Variants in PCM1 observed in about 807,000 individuals in gnomAD.
The protein encoded by PCM1 is pericentriolar material 1.
PCM1 carries 157 observed loss-of-function variants against 241.9 expected under a neutral mutation model. The observed-to-expected ratio is 0.65, with a 90% CI of 0.57 to 0.74. The LOEUF (loss-of-function observed/expected upper bound fraction) is 0.74, where lower values mean the gene tolerates loss of function less well. Ranked by LOEUF, PCM1 falls within the 30% of genes least tolerant of loss-of-function variation. The pLI, the probability that PCM1 is intolerant of heterozygous loss-of-function variation, is 0.00. For synonymous variants in PCM1, 1,085 were observed against 784.9 expected (o/e 1.38, Z -6.39); for missense variants, 3,478 against 2,360.1 (o/e 1.47, Z -9.81).
At chr8:18,021,293 A>AAAAG (rs1319455534) in intron 36 of PCM1, among the ~76,000 whole-genome samples, 4 of 152,200 alleles carry the variant, frequency 2.6e-5, no homozygotes, top group East Asian at 1.9e-4. Flanking sequence ...CAGATTATGA[A>AAAAG]AAAGATTATG....
Position 17,960,379 on chromosome 8 carries a change from A to G in PCM1, c.2257A>G (p.Arg753Gly). ...AGAGCTAAAACAATTGCAGGAAGAA[A>G]GAAAGAAACTGATTGACATTCAGGA... Reference protein sequence around the residue: ...QRELKQLQEERKKLIDIQEKI... With the variant: ...QRELKQLQEEGKKLIDIQEKI... Residue 753 changes from arginine (R) to glycine (G), a missense_variant, in exon 15 of 39, where the codon AGA becomes GGA. Coordinates refer to ENST00000325083, the MANE Select transcript of PCM1 (RefSeq NM_006197.4). 1 of 1,609,074 alleles carries G rather than the reference A, an allele frequency of 6.2e-7. No homozygotes were observed.
rs1447872458 is a variant in PCM1 at position 18,028,501 on chromosome 8, G to GTAA, written c.*842_*844dup. 1.0e-5 allele frequency: 2 copies of GTAA among 198,872 alleles called. No homozygotes were observed. The highest frequency in any genetic ancestry group is 2.3e-5 in the African/African-American group (1 of 43,430). 12.3% of individuals were successfully genotyped at this position (198,872 alleles called of 1,614,324 possible). On this transcript the variant is annotated 3_prime_UTR_variant, in exon 39 of 39. Coordinates refer to ENST00000325083, the MANE Select transcript of PCM1 (RefSeq NM_006197.4). ...GGATAAATAATACAACTAAATTTCT[G>GTAA]TAATAGTAAGATTCTGTATGCCTTC...
At chr8:17,960,239 G>C in intron 14 of PCM1, 74 bp downstream of exon 14, 1 of 1,559,856 alleles carries the variant, frequency 6.4e-7, no homozygotes, top group South Asian at 1.2e-5. Flanking sequence ...GCTCAGCTAG[G>C]TACTGTGTTA....
intron 16 of PCM1, 114 bp downstream of exon 16, chr8:17,962,288 A>G: frequency 1.2e-6 from 1 of 816,082 alleles, no homozygotes; most frequent in South Asian, 2.2e-5. Context: ...CATGTTTGTA[A>G]ATAGTAGTCT....
intron 36 of PCM1, among the ~76,000 whole-genome samples, chr8:18,015,148 T>G (rs1050371150): frequency 2.0e-5 from 3 of 152,176 alleles, no homozygotes; most frequent in African/African-American, 7.2e-5. Flanking sequence ...CCTATTCTTC[T>G]CAACTGTTTA....
chr8:17,998,717 A>G (rs2087948745), intron 29 of PCM1, among the ~76,000 whole-genome samples: 1 of 152,154 alleles, frequency 6.6e-6, no homozygotes, highest in African/African-American at 2.4e-5. Context: ...TAGGGTTCCT[A>G]CTATTAGCAG....
In PCM1 at chr8:17,963,216, C is replaced by T. The variant is rs766736467; in HGVS notation, c.2579C>T (p.Ala860Val). The T allele has an allele frequency of 1.9e-6, 3 of 1,613,382 alleles. No individual in the cohort carries two copies. Among genetic ancestry groups the T allele is most frequent in the African/African-American group, 2.7e-5 (2 of 74,906 alleles). ...AGGAGGCAAGGTCTAGCTGAAACTG[C>T]ATCTCCAGTGGCTGTGTCATTGAGA... ...HQRRQGLAET[A>V]SPVAVSLRSD... The change falls in exon 17 of 39, where the codon GCA (alanine) becomes GTA (valine). Residue 860 changes from alanine to valine, a missense_variant. Ala to Val is a moderately conservative substitution (Grantham distance 64). Coordinates refer to ENST00000325083, the MANE Select transcript of PCM1 (RefSeq NM_006197.4).
intron 6 of PCM1, among the ~76,000 whole-genome samples, chr8:17,946,832 A>AGTGT (rs368892136): frequency 0.12 from 16,357 of 138,202 alleles, 1,219 homozygotes; most frequent in African/African-American, 0.23. Context: ...TAGATTCTTC[A>AGTGT]GTGTGTGTGT....
Position 17,956,588 on chromosome 8 carries a change from A to G in PCM1, c.1473-16A>G, listed in dbSNP as rs769421160. Reference sequence around the variant, plus strand: ...AAATGGGTGTAAATCGTATACATAAATTTTTTGTTTATCAGGAAGTTAAAT... The same window carrying G: ...AAATGGGTGTAAATCGTATACATAAGTTTTTTGTTTATCAGGAAGTTAAAT... On this transcript the variant is annotated splice_polypyrimidine_tract_variant and intron_variant, in intron 10 of 38. Coordinates refer to ENST00000325083, the MANE Select transcript of PCM1 (RefSeq NM_006197.4). 11 of 1,519,604 alleles carry G rather than the reference A, an allele frequency of 7.2e-6. No homozygotes were observed. Among genetic ancestry groups the G allele is most frequent in the Non-Finnish European group, 9.9e-6 (11 of 1,113,044 alleles). The allele number at this position is 1,519,604 out of a possible 1,614,324, so 94.1% of individuals were successfully genotyped here.
In PCM1 at chr8:17,989,792, C is replaced by G. The variant is rs567535097; in HGVS notation, c.4411-67C>G. On this transcript the variant is annotated intron_variant, in intron 26 of 38. Coordinates refer to ENST00000325083, the MANE Select transcript of PCM1 (RefSeq NM_006197.4). ...ATTTTATGTAAATACTTAGTTATCT[C>G]TGTTAGATTATTAATATGAAATTCT... The G allele has an allele frequency of 1.3e-5, 14 of 1,097,902 alleles. No homozygotes were observed. The African/African-American group carries it at 2.1e-4, about 16-fold the overall frequency. The allele number at this position is 1,097,902 out of a possible 1,614,324, so 68.0% of individuals were successfully genotyped here. A position where few individuals can be genotyped will look rare whatever the true frequency, so the allele number is the denominator to read the frequency against.
intron 23 of PCM1, among the ~76,000 whole-genome samples, chr8:17,973,864 G>A (rs2077717398): frequency 1.3e-5 from 2 of 152,150 alleles, no homozygotes; most frequent in African/African-American, 4.8e-5. Flanking sequence ...AAATCCTGTA[G>A]TAAGAAAATA....
chr8:17,962,222 C>CT (rs548365642), intron 16 of PCM1, 48 bp downstream of exon 16: 3,163 of 1,393,056 alleles, frequency 2.3e-3, no homozygotes, highest in South Asian at 2.6e-3. Context: ...TTTTGTTTTC[C>CT]TTTTTTTTTC....
chr8:17,962,890 G>T (rs1473153069), intron 16 of PCM1: 1 of 435,248 alleles, frequency 2.3e-6, no homozygotes, highest in Non-Finnish European at 4.1e-6. Flanking sequence ...ATGACAGAGT[G>T]AGACTCTGTC....
chr8:17,955,611 A>C lies in PCM1; in HGVS notation c.1430A>C (p.Glu477Ala). 1 of 1,613,828 alleles carries C rather than the reference A, an allele frequency of 6.2e-7. No homozygotes were observed. ...ACTGCTTCTCTAGTATCTCAGAATG[A>C]GAGTGAAAACGAAGGCCACCTCAAT... ...YPTASLVSQNESENEGHLNPS... is the reference protein window; with the variant it reads ...YPTASLVSQNASENEGHLNPS... The change falls in exon 10 of 39, where the codon GAG (glutamate) becomes GCG (alanine). Residue 477 changes from glutamate to alanine, a missense_variant. Transcript: ENST00000325083.
chr8:17,947,192 G>C lies in PCM1; in HGVS notation c.790G>C (p.Asp264His). 1 of 1,590,840 alleles carries C rather than the reference G, an allele frequency of 6.3e-7. No individual in the cohort carries two copies. Among genetic ancestry groups the C allele is most frequent in the Non-Finnish European group, 8.6e-7 (1 of 1,166,798 alleles). The change falls in exon 7 of 39, where the codon GAT becomes CAT. Residue 264 changes from aspartate (D) to histidine (H), a missense_variant. By Grantham distance (81) the Asp-to-His change is moderately conservative. Coordinates refer to ENST00000325083, the MANE Select transcript of PCM1 (RefSeq NM_006197.4). ...MKFLKKILAR[D>H]PQQEPMEEIE... The stretch of plus-strand genomic sequence containing the variant: ...TGTTGGTCTTATTTTCCAGGCCAGA[G>C]ATCCTCAGCAGGAGCCTATGGAAGA...
At chr8:18,009,818 A>G (rs1299699025) in intron 31 of PCM1, 74 bp downstream of exon 31, 9 of 965,162 alleles carry the variant, frequency 9.3e-6, no homozygotes, top group Non-Finnish European at 1.1e-5. Context: ...TATTAACTGA[A>G]ATCACATTTT....
At chr8:17,990,496 T>C (rs2084228183) in intron 27 of PCM1, among the ~76,000 whole-genome samples, 2 of 151,718 alleles carry the variant, frequency 1.3e-5, no homozygotes, top group Non-Finnish European at 2.9e-5. Flanking sequence ...TTTTTTTTTT[T>C]TTCCCCCTCT....
At chr8:17,962,214 T>C in intron 16 of PCM1, 40 bp downstream of exon 16, 1 of 1,537,708 alleles carries the variant, frequency 6.5e-7, no homozygotes, top group Non-Finnish European at 8.8e-7. Context: ...AGTTAGTCTT[T>C]TGTTTTCCTT....
chr8:17,942,692 C>G (rs956707367), intron 6 of PCM1, among the ~76,000 whole-genome samples: 1 of 151,712 alleles, frequency 6.6e-6, no homozygotes, highest in African/African-American at 2.4e-5. Flanking sequence ...ATTTGTAGTT[C>G]CACATAAAAA....
Sources: allele counts gnomAD v4.1 joint callset (sites outside exome capture counted in the v4.1 genomes callset), GRCh38; gene constraint gnomAD v4.1.1; transcripts MANE v1.5; gene names NCBI Gene and HGNC (gene_info 2026-07-23, HGNC 2026-07-21).